The following ANO6 variants were observed in gnomAD, a reference collection of about 807,000 sequenced individuals.
ANO6 encodes anoctamin 6.
A neutral mutation model predicts 117.5 loss-of-function variants in ANO6; 106 were observed. The observed-to-expected ratio is 0.90, with a 90% CI of 0.77 to 1.06. ANO6 has a LOEUF of 1.06. Ranked by LOEUF, ANO6 falls within the 50% of genes least tolerant of loss-of-function variation. The probability of loss-of-function intolerance (pLI) is 0.00; values close to 1 mark genes in which losing one functional copy is unlikely to be tolerated. For synonymous variants in ANO6, 367 were observed against 385.1 expected, an observed-to-expected ratio of 0.95 and a Z score of 0.55; for missense variants, 955 against 1,121.1, an observed-to-expected ratio of 0.85 and a Z score of 2.12.
chr12:45,336,945 A>G (rs1940843571), intron 3 of ANO6, among the ~76,000 whole-genome samples: 1 of 152,194 alleles, frequency 6.6e-6, no homozygotes, highest in African/African-American at 2.4e-5. Flanking sequence ...GGTGGAAGAC[A>G]GTGATACTGA....
At chr12:45,348,432 G>A in intron 5 of ANO6, 86 bp from the exon 6 acceptor site, 1 of 1,548,282 alleles carries the variant, frequency 6.5e-7, no homozygotes, top group Non-Finnish European at 8.9e-7. Flanking sequence ...AAATATGCCA[G>A]CAGATTTGTG....
chr12:45,424,051 A>C (rs547275794), intron 19 of ANO6, among the ~76,000 whole-genome samples: 1 of 152,026 alleles, frequency 6.6e-6, no homozygotes, highest in East Asian at 1.9e-4. Context: ...TAGCTACCAA[A>C]CATTAAACAG....
intron 4 of ANO6, 27 bp downstream of exon 4, chr12:45,347,114 CG>C (rs1565708011): frequency 6.2e-7 from 1 of 1,608,786 alleles, no homozygotes. Flanking sequence ...TTTCAGCCCT[CG>C]GCTGACCACT....
chr12:45,424,948 A>T (rs536394979), intron 19 of ANO6, among the ~76,000 whole-genome samples: 12 of 148,474 alleles, frequency 8.1e-5, no homozygotes, highest in South Asian at 2.1e-4. Context: ...GAGGTGATTT[A>T]AAAAAAAAAC....
chr12:45,282,094 GA>G (rs373738268), intron 1 of ANO6, among the ~76,000 whole-genome samples: 1 of 152,314 alleles, frequency 6.6e-6, no homozygotes, highest in African/African-American at 2.4e-5. Flanking sequence ...TTTCTGGCTT[GA>G]CCAGCCAAAT....
chr12:45,374,421 T>C (rs201386522), intron 9 of ANO6, among the ~76,000 whole-genome samples: 2,795 of 94,628 alleles, frequency 0.03, 39 homozygotes, highest in East Asian at 0.11. Context: ...TTTAGACCAA[T>C]ATCCTTGATG....
At chr12:45,227,850 A>C (rs1947508554) in intron 1 of ANO6, among the ~76,000 whole-genome samples, 1 of 152,218 alleles carries the variant, frequency 6.6e-6, no homozygotes, top group Non-Finnish European at 1.5e-5. Context: ...TTTAAAGATA[A>C]AGGTGGTTGA....
chr12:45,268,946 G>T (rs1166899024), intron 1 of ANO6, among the ~76,000 whole-genome samples: 1 of 152,248 alleles, frequency 6.6e-6, no homozygotes, highest in African/African-American at 2.4e-5. Flanking sequence ...CAAGGGGCCA[G>T]CTCTCTAATG....
At chr12:45,439,170 G>A (rs566687464) in intron 19 of ANO6, among the ~76,000 whole-genome samples, 2 of 152,306 alleles carry the variant, frequency 1.3e-5, no homozygotes, top group African/African-American at 4.8e-5. Context: ...GAGTATAGAT[G>A]CTGCTACTTC....
In ANO6 at chr12:45,315,965, C is replaced by T. The variant is rs527361260; in HGVS notation, c.150+13872C>T. ...TCCTCAGGTAGGCTCCACCTTTCTTCCCTGGACTCATAGTCTTCCCATTAC... is the reference window on the plus strand; with the variant it reads ...TCCTCAGGTAGGCTCCACCTTTCTTTCCTGGACTCATAGTCTTCCCATTAC... On this transcript the variant is annotated intron_variant, in intron 2 of 19. Coordinates refer to ENST00000320560, the MANE Select transcript of ANO6 (RefSeq NM_001025356.3). Among the ~76,000 whole-genome samples the T allele has an allele frequency of 3.3e-5, 5 of 152,158 alleles. No individual in the cohort carries two copies. In the East Asian group the frequency reaches 7.7e-4, roughly 24 times the overall value.
intron 1 of ANO6, among the ~76,000 whole-genome samples, chr12:45,290,261 G>A (rs1939051827): frequency 6.6e-6 from 1 of 151,758 alleles, no homozygotes; most frequent in African/African-American, 2.4e-5. Context: ...TGAACCTATA[G>A]CGGCTTTTTT....
chr12:45,395,048 A>G (rs1942571137), intron 12 of ANO6, among the ~76,000 whole-genome samples: 1 of 152,256 alleles, frequency 6.6e-6, no homozygotes, highest in African/African-American at 2.4e-5. Context: ...CAGTGAATCC[A>G]GGAGCTGGTT....
chr12:45,439,361 A>G (rs971464187), intron 19 of ANO6, among the ~76,000 whole-genome samples: 4 of 152,216 alleles, frequency 2.6e-5, no homozygotes, highest in African/African-American at 7.2e-5. Flanking sequence ...TGCATCGAGC[A>G]AACTCCCAAA....
chr12:45,224,417 A>G (rs1404017176), intron 1 of ANO6, among the ~76,000 whole-genome samples: 5 of 146,606 alleles, frequency 3.4e-5, no homozygotes, highest in African/African-American at 1.4e-4. Flanking sequence ...TGTATACATT[A>G]TATATACATA....
chr12:45,311,097 T>TG (rs540576316), intron 2 of ANO6, among the ~76,000 whole-genome samples: 78 of 152,024 alleles, frequency 5.1e-4, no homozygotes, highest in African/African-American at 1.8e-3. Flanking sequence ...GCAAGATGTG[T>TG]GGGGAAAAAA....
intron 2 of ANO6, among the ~76,000 whole-genome samples, chr12:45,320,861 A>G (rs1052395089): frequency 4.6e-5 from 7 of 151,966 alleles, no homozygotes; most frequent in African/African-American, 9.7e-5. Flanking sequence ...TAATCCCTTT[A>G]CCATTATGTA....
chr12:45,253,498 TA>T (rs1937700198), intron 1 of ANO6, among the ~76,000 whole-genome samples: 1 of 152,234 alleles, frequency 6.6e-6, no homozygotes, highest in Non-Finnish European at 1.5e-5. Context: ...TAAATATATC[TA>T]AATCTGCACA....
At position 45,430,340 on chromosome 12, in the gene ANO6, G is replaced by A. The variant is rs975970455; in HGVS notation, c.*1029G>A. ...CACAGCCATTGGGGTACAACTGTGT[G>A]CATGGGCAGAAACAGCAAGTGCCCT... On this transcript the variant is annotated 3_prime_UTR_variant, in exon 20 of 20. Coordinates refer to ENST00000320560, the MANE Select transcript of ANO6 (RefSeq NM_001025356.3). The A allele has an allele frequency of 6.1e-6, 6 of 985,344 alleles. No individual in the cohort carries two copies. Among genetic ancestry groups the A allele is most frequent in the African/African-American group, 5.2e-5 (3 of 57,244 alleles). 61.0% of individuals were successfully genotyped at this position (985,344 alleles called of 1,614,324 possible).
At chr12:45,242,446 T>C (rs2137167957) in intron 1 of ANO6, among the ~76,000 whole-genome samples, 1 of 152,370 alleles carries the variant, frequency 6.6e-6, no homozygotes, top group East Asian at 1.9e-4. Context: ...AGTAGTTAGC[T>C]GGAGTGTCCA....
Sources: gnomAD v4.1 joint callset for allele counts (sites outside exome capture counted in the v4.1 genomes callset) on GRCh38, gnomAD v4.1.1 for gene constraint, MANE v1.5 for transcripts, NCBI Gene and HGNC (gene_info 2026-07-23, HGNC 2026-07-21) for gene names.